CSMD3: variants seen among roughly 807,000 people sequenced by gnomAD.
CSMD3 encodes the protein CUB and Sushi multiple domains 3, also known as CUB and sushi domain-containing protein 3.
Under a neutral mutation model 435.2 loss-of-function variants are expected in CSMD3, and 177 were observed. The observed-to-expected ratio is 0.41, with a 90% CI of 0.36 to 0.46. CSMD3 has a LOEUF of 0.46. Among genes scored for constraint, CSMD3 ranks in the 20% least tolerant of loss-of-function variants. The probability of loss-of-function intolerance (pLI) is 0.34; values close to 1 mark genes in which losing one functional copy is unlikely to be tolerated. For synonymous variants in CSMD3, 1,656 were observed against 1,520.5 expected, an observed-to-expected ratio of 1.09 and a Z score of -2.07; for missense variants, 4,265 against 4,504.6, an observed-to-expected ratio of 0.95 and a Z score of 1.52.
At chr8:112,704,734 T>C (rs1360869324) in intron 13 of CSMD3, among the ~76,000 whole-genome samples, 1 of 152,154 alleles carries the variant, frequency 6.6e-6, no homozygotes, top group Non-Finnish European at 1.5e-5. Context: ...AATTGTTCTC[T>C]AGCTTAATTA....
chr8:113,433,632 C>A (rs947630814), intron 1 of CSMD3, among the ~76,000 whole-genome samples: 1 of 152,220 alleles, frequency 6.6e-6, no homozygotes, highest in South Asian at 2.1e-4. Context: ...CGACGCCGCA[C>A]CCGGTCTCCC....
At chr8:113,176,869 TG>T (rs1345706300) in intron 3 of CSMD3, among the ~76,000 whole-genome samples, 2 of 150,856 alleles carry the variant, frequency 1.3e-5, no homozygotes, top group Admixed American at 1.3e-4. Flanking sequence ...GTAACAAACC[TG>T]CACATCCTGG....
Position 112,825,950 on chromosome 8 carries a change from G to A in CSMD3, c.1859+3736C>T, listed in dbSNP as rs969678412. On this transcript the variant is annotated intron_variant, in intron 12 of 70. Coordinates refer to ENST00000297405, the MANE Select transcript of CSMD3 (RefSeq NM_198123.2). ...ACTATCAGGAGGAAAAACTAATTCTGCTGGTCCCTGGAGACTGTGGCCACA... is the reference window on the plus strand; with the variant it reads ...ACTATCAGGAGGAAAAACTAATTCTACTGGTCCCTGGAGACTGTGGCCACA... Among the ~76,000 whole-genome samples, 9 of 76,906 alleles carry A rather than the reference G, an allele frequency of 1.2e-4. No individual in the cohort carries two copies. In the East Asian group the frequency reaches 1.6e-3, roughly 13 times the overall value. The allele number at this position is 76,906 out of a possible 152,430, so 50.5% of individuals were successfully genotyped here. A position where few individuals can be genotyped will look rare whatever the true frequency, so the allele number is the denominator to read the frequency against.
intron 12 of CSMD3, among the ~76,000 whole-genome samples, chr8:112,827,100 T>TGAG (rs1401563781): frequency 6.8e-4 from 98 of 145,024 alleles, no homozygotes; most frequent in African/African-American, 2.0e-3. Flanking sequence ...TTTAACCAGT[T>TGAG]CTAATAGTTG....
intron 3 of CSMD3, among the ~76,000 whole-genome samples, chr8:113,215,834 CTTTTTAAAAAAAAA>C (rs1357178514): frequency 1.3e-5 from 2 of 151,280 alleles, no homozygotes; most frequent in Non-Finnish European, 3.0e-5. Context: ...ATACCTTTTT[CTTTTTAAAAAAAAA>C]TTCACTGTAC....
At chr8:113,223,209 CTAA>C (rs2092989879) in intron 3 of CSMD3, among the ~76,000 whole-genome samples, 2 of 150,186 alleles carry the variant, frequency 1.3e-5, no homozygotes, top group South Asian at 4.2e-4. Context: ...TTAATATTTA[CTAA>C]TATTACTAAT....
At chr8:112,323,640 T>G (rs1320323649) in intron 45 of CSMD3, among the ~76,000 whole-genome samples, 1 of 152,078 alleles carries the variant, frequency 6.6e-6, no homozygotes, top group Non-Finnish European at 1.5e-5. Context: ...AAGATTGCTT[T>G]TAAGCCACCA....
At position 113,110,200 on chromosome 8, in the gene CSMD3, C is replaced by T. The variant is rs1487869475; in HGVS notation, c.710-11237G>A. Among the ~76,000 whole-genome samples the T allele has an allele frequency of 3.3e-5, 5 of 152,308 alleles. No individual in the cohort carries two copies. In the East Asian group the frequency reaches 9.7e-4, roughly 29 times the overall value. On this transcript the variant is annotated intron_variant, in intron 4 of 70. Transcript: ENST00000297405. ...CACCTGACCACACCCTTCCTGTTCT[C>T]TCCTGTACACATCTTCATTTTTTAT...
intron 61 of CSMD3, among the ~76,000 whole-genome samples, chr8:112,263,061 GTTTGT>G (rs1409691560): frequency 2.0e-5 from 3 of 151,026 alleles, no homozygotes; most frequent in East Asian, 3.9e-4. Context: ...TGCAAGAGGA[GTTTGT>G]TTTGTTTTGT....
chr8:112,439,863 C>T (rs1274432402), intron 32 of CSMD3, among the ~76,000 whole-genome samples: 1 of 51,170 alleles, frequency 2.0e-5, no homozygotes, highest in Non-Finnish European at 5.9e-5. Flanking sequence ...GCCACTAGGT[C>T]CCCCCCCGCC....
Position 112,223,096 on chromosome 8 carries a change from A to T in CSMD3, c.*1675T>A. On this transcript the variant is annotated 3_prime_UTR_variant, in exon 71 of 71. Coordinates refer to ENST00000297405, the MANE Select transcript of CSMD3 (RefSeq NM_198123.2). ...AGAAACATTGTTTAAACAAGATCTT[A>T]AATGTATTAGCCTTAACATTAATGA... is the stretch of plus-strand genomic sequence containing the variant. 2.5e-6 allele frequency: 1 copy of T among 398,558 alleles called. No homozygotes were observed. The highest frequency in any genetic ancestry group is 4.4e-6 in the Non-Finnish European group (1 of 225,764). The allele number at this position is 398,558 out of a possible 1,614,324, so 24.7% of individuals were successfully genotyped here.
intron 13 of CSMD3, among the ~76,000 whole-genome samples, chr8:112,795,224 G>C (rs534301855): frequency 6.6e-6 from 1 of 151,988 alleles, no homozygotes; most frequent in South Asian, 2.1e-4. Flanking sequence ...AATTATTTTA[G>C]TCAAACTGTT....
intron 4 of CSMD3, among the ~76,000 whole-genome samples, chr8:113,100,360 A>C (rs560631067): frequency 6.6e-6 from 1 of 152,178 alleles, no homozygotes; most frequent in Non-Finnish European, 1.5e-5. Flanking sequence ...TCAAGACCTA[A>C]ATCTTCTAGT....
intron 23 of CSMD3, among the ~76,000 whole-genome samples, chr8:112,585,682 T>A (rs1010426926): frequency 1.3e-4 from 19 of 151,674 alleles, no homozygotes; most frequent in African/African-American, 4.6e-4. Flanking sequence ...ATAATAGGCA[T>A]GAGTGAAGAT....
chr8:113,092,030 C>T (rs28570024), intron 5 of CSMD3, among the ~76,000 whole-genome samples: 21 of 151,968 alleles, frequency 1.4e-4, no homozygotes, highest in Non-Finnish European at 2.9e-4. Context: ...AGATCATACA[C>T]TCTGTGATAT....
chr8:112,576,835 CATATATATAT>C (rs5894088), intron 23 of CSMD3, among the ~76,000 whole-genome samples: 4 of 71,572 alleles, frequency 5.6e-5, no homozygotes, highest in Non-Finnish European at 1.5e-4. Context: ...AGGCAGCATA[CATATATATAT>C]ATATATATAT....
intron 35 of CSMD3, among the ~76,000 whole-genome samples, chr8:112,397,218 C>G (rs1016737309): frequency 6.6e-6 from 1 of 152,112 alleles, no homozygotes; most frequent in African/African-American, 2.4e-5. Flanking sequence ...TTAGTAGTTG[C>G]ACCAAATGGT....
chr8:112,370,987 T>C (rs933439680), intron 38 of CSMD3, among the ~76,000 whole-genome samples: 6 of 152,170 alleles, frequency 3.9e-5, no homozygotes, highest in African/African-American at 1.4e-4. Flanking sequence ...AGACCACTTC[T>C]GGGCTGGGTT....
chr8:112,392,314 C>CAAAAA (rs1200157495), intron 35 of CSMD3, among the ~76,000 whole-genome samples: 6 of 83,962 alleles, frequency 7.1e-5, no homozygotes, highest in East Asian at 3.6e-4. Flanking sequence ...GGCAATTACT[C>CAAAAA]AAAAAAAAAA....
Sources: allele counts gnomAD v4.1 joint callset (sites outside exome capture counted in the v4.1 genomes callset), GRCh38; gene constraint gnomAD v4.1.1; transcripts MANE v1.5; gene names NCBI Gene and HGNC (gene_info 2026-07-23, HGNC 2026-07-21).